The following LMO7 variants were observed in gnomAD, a reference collection of about 807,000 sequenced individuals.
The protein encoded by LMO7 is LIM domain only protein 7.
A neutral mutation model predicts 206.5 loss-of-function variants in LMO7; 120 were observed. That is an observed-to-expected ratio of 0.58 (90% CI 0.50 to 0.68). The LOEUF is 0.68. Among genes scored for constraint, LMO7 ranks in the 30% least tolerant of loss-of-function variants. LMO7 has a pLI of 0.00. For missense variants in LMO7, 1,959 were observed against 1,957.9 expected, an observed-to-expected ratio of 1.00 and a Z score of -0.01; for synonymous variants, 706 against 681.5, an observed-to-expected ratio of 1.04 and a Z score of -0.56.
At chr13:75,643,506 G>T (rs561714512) in intron 1 of LMO7, among the ~76,000 whole-genome samples, 29 of 152,254 alleles carry the variant, frequency 1.9e-4, no homozygotes, top group African/African-American at 6.7e-4. Context: ...CCAATAAAAA[G>T]GTTGGCCTAT....
chr13:75,780,314 A>G (rs2051134042), intron 4 of LMO7, among the ~76,000 whole-genome samples: 1 of 152,184 alleles, frequency 6.6e-6, no homozygotes, highest in Non-Finnish European at 1.5e-5. Flanking sequence ...TGCATAAGAC[A>G]GACACTCCCA....
intron 1 of LMO7, among the ~76,000 whole-genome samples, chr13:75,673,619 C>A (rs971167878): frequency 6.6e-6 from 1 of 152,166 alleles, no homozygotes; most frequent in Non-Finnish European, 1.5e-5. Flanking sequence ...CTGTGGATTT[C>A]TTGCTGCTTA....
intron 3 of LMO7, among the ~76,000 whole-genome samples, chr13:75,738,695 T>A (rs1324762182): frequency 6.6e-6 from 1 of 152,218 alleles, no homozygotes; most frequent in Non-Finnish European, 1.5e-5. Context: ...ACCAAAACTT[T>A]ATTTGGGATT....
At chr13:75,767,589 A>G (rs184776470) in intron 4 of LMO7, among the ~76,000 whole-genome samples, 12 of 152,178 alleles carry the variant, frequency 7.9e-5, no homozygotes, top group Non-Finnish European at 1.3e-4. Context: ...AAAAAGTCAC[A>G]TTAACTTTGA....
intron 1 of LMO7, chr13:75,621,878 G>T (rs764917751): frequency 1.3e-6 from 2 of 1,572,648 alleles, no homozygotes; most frequent in Non-Finnish European, 1.7e-6. Context: ...GGTAATAATA[G>T]TTCCTTGAAT....
chr13:75,733,494 G>A (rs2045485636), intron 3 of LMO7, among the ~76,000 whole-genome samples: 1 of 152,204 alleles, frequency 6.6e-6, no homozygotes, highest in Non-Finnish European at 1.5e-5. Context: ...ACAGTATTGA[G>A]GTGGGAGTGA....
intron 4 of LMO7, among the ~76,000 whole-genome samples, chr13:75,770,161 G>A (rs2049436010): frequency 1.5e-5 from 2 of 132,700 alleles, no homozygotes; most frequent in African/African-American, 5.7e-5. Context: ...CTGAATCCTT[G>A]TTTGTTTTGG....
chr13:75,780,201 AAGAGC>A (rs1224688984), intron 4 of LMO7, among the ~76,000 whole-genome samples: 1 of 152,194 alleles, frequency 6.6e-6, no homozygotes, highest in African/African-American at 2.4e-5. Context: ...AACAGGGTTC[AAGAGC>A]AGAGAACTGG....
intron 1 of LMO7, among the ~76,000 whole-genome samples, chr13:75,688,105 G>A (rs7981379): frequency 2.2e-4 from 34 of 152,214 alleles, no homozygotes; most frequent in African/African-American, 5.3e-4. Flanking sequence ...TGAGGCCTCC[G>A]CAGCCATGTG....
intron 1 of LMO7, chr13:75,623,237 T>G (rs748279536): frequency 1.4e-5 from 16 of 1,112,750 alleles, no homozygotes. Flanking sequence ...CTGTATTGGT[T>G]TTTTAACTTT....
chr13:75,684,978 T>G (rs937881322), intron 1 of LMO7, among the ~76,000 whole-genome samples: 2 of 152,174 alleles, frequency 1.3e-5, no homozygotes, highest in African/African-American at 2.4e-5. Context: ...AGGTTTGATC[T>G]TCTATGGCAT....
chr13:75,767,572 C>T (rs1331320200), intron 4 of LMO7, among the ~76,000 whole-genome samples: 1 of 147,826 alleles, frequency 6.8e-6, no homozygotes, highest in Non-Finnish European at 1.5e-5. Flanking sequence ...GCCTGCCCTC[C>T]TCAAAAAAAA....
At chr13:75,653,745 T>C (rs776249492) in intron 1 of LMO7, among the ~76,000 whole-genome samples, 8 of 152,208 alleles carry the variant, frequency 5.3e-5, no homozygotes, top group Admixed American at 1.3e-4. Flanking sequence ...AGGTCTATAA[T>C]GACAGAGTCC....
intron 4 of LMO7, among the ~76,000 whole-genome samples, chr13:75,763,845 A>G (rs1298193248): frequency 6.6e-6 from 1 of 152,176 alleles, no homozygotes; most frequent in Non-Finnish European, 1.5e-5. Flanking sequence ...TGGCAATAGC[A>G]GAAGCAAGTA....
chr13:75,820,738 T>C (rs1437494505), intron 13 of LMO7, among the ~76,000 whole-genome samples: 1 of 152,236 alleles, frequency 6.6e-6, no homozygotes, highest in East Asian at 1.9e-4. Context: ...CTCATGCCTG[T>C]AATCCCAGCA....
chr13:75,739,673 T>C (rs2046260601), intron 3 of LMO7, among the ~76,000 whole-genome samples: 2 of 152,250 alleles, frequency 1.3e-5, no homozygotes, highest in Admixed American at 1.3e-4. Context: ...GGCAAAATAG[T>C]GTGACCTGCT....
chr13:75,690,058 C>A (rs1047228613), intron 1 of LMO7, among the ~76,000 whole-genome samples: 2 of 151,806 alleles, frequency 1.3e-5, no homozygotes. Context: ...AGGTGCTGAG[C>A]CCTCCTTTTT....
At chr13:75,727,934 G>T (rs552529476) in intron 3 of LMO7, among the ~76,000 whole-genome samples, 15 of 152,096 alleles carry the variant, frequency 9.9e-5, no homozygotes, top group Middle Eastern at 3.4e-3. Context: ...TTTCATCCAT[G>T]TCCCTACAAA....
intron 3 of LMO7, among the ~76,000 whole-genome samples, chr13:75,727,994 A>G (rs1033772662): frequency 3.9e-5 from 6 of 151,944 alleles, no homozygotes; most frequent in Non-Finnish European, 8.8e-5. Context: ...CCTGGTGTAT[A>G]TGTGCCACAT....
Sources: gnomAD v4.1 joint callset for allele counts (sites outside exome capture counted in the v4.1 genomes callset) on GRCh38, gnomAD v4.1.1 for gene constraint, MANE v1.5 for transcripts, NCBI Gene and HGNC (gene_info 2026-07-23, HGNC 2026-07-21) for gene names.